The following COL25A1 variants were observed in gnomAD, a reference collection of about 807,000 sequenced individuals.
COL25A1 encodes the protein collagen alpha-1(XXV) chain.
In COL25A1, 103 loss-of-function variants were observed where a neutral mutation model predicts 128.4. The ratio of observed to expected loss-of-function variants is 0.80; its 90% CI spans 0.68 to 0.94. COL25A1 has a LOEUF of 0.94. Ranked by LOEUF, COL25A1 falls within the 40% of genes least tolerant of loss-of-function variation. The pLI is 0.00. For missense variants in COL25A1, 745 were observed against 840.0 expected (o/e 0.89, Z 1.40); for synonymous variants, 279 against 277.2 (o/e 1.01, Z -0.06).
intron 3 of COL25A1, among the ~76,000 whole-genome samples, chr4:109,168,375 G>A (rs369566390): frequency 6.6e-6 from 1 of 152,054 alleles, no homozygotes; most frequent in Non-Finnish European, 1.5e-5. Flanking sequence ...AACAGAGTTG[G>A]GGTATTAGCT....
At chr4:109,144,780 A>G (rs2126091695) in intron 3 of COL25A1, among the ~76,000 whole-genome samples, 1 of 152,300 alleles carries the variant, frequency 6.6e-6, no homozygotes, top group African/African-American at 2.4e-5. Context: ...AAACAAGGCA[A>G]GATTAGTACC....
chr4:108,900,897 T>C (rs1301158491), intron 14 of COL25A1, among the ~76,000 whole-genome samples: 1 of 152,172 alleles, frequency 6.6e-6, no homozygotes, highest in East Asian at 1.9e-4. Context: ...AGATGTTAGA[T>C]GATCACATCC....
intron 3 of COL25A1, among the ~76,000 whole-genome samples, chr4:109,210,912 A>T (rs1194763885): frequency 6.6e-6 from 1 of 152,078 alleles, no homozygotes; most frequent in Non-Finnish European, 1.5e-5. Context: ...AAGCGAGTTA[A>T]CACAGGAACA....
intron 5 of COL25A1, among the ~76,000 whole-genome samples, chr4:109,013,609 G>A (rs182287972): frequency 1.6e-4 from 25 of 151,786 alleles, no homozygotes; most frequent in Admixed American, 7.2e-4. Context: ...CACTCCTGAG[G>A]CCAGCGAGAC....
intron 24 of COL25A1, among the ~76,000 whole-genome samples, chr4:108,853,878 G>A (rs1357480813): frequency 2.0e-5 from 3 of 152,168 alleles, no homozygotes; most frequent in African/African-American, 7.2e-5. Context: ...AGTATTCCGT[G>A]GTGTATATGT....
At position 108,852,255 on chromosome 4, in the gene COL25A1, TGAGGTCCAG is replaced by T. The variant is rs1735874607; in HGVS notation, c.1361_1369del (p.Pro454_Pro456del). On this transcript the variant is annotated inframe_deletion, in exon 26 of 38. Coordinates refer to ENST00000399132, the MANE Select transcript of COL25A1 (RefSeq NM_198721.4). ...AATAACCTTTGGCCCTTGTAGTCCTTGAGGTCCAGGAGGTCCAGGGGGACCCTAAATCAA... is the reference window on the plus strand; with the variant it reads ...AATAACCTTTGGCCCTTGTAGTCCTTGAGGTCCAGGGGGACCCTAAATCAA... 1 of 1,603,230 alleles carries T rather than the reference TGAGGTCCAG, an allele frequency of 6.2e-7. No individual in the cohort carries two copies. The highest frequency in any genetic ancestry group is 1.4e-5 in the African/African-American group (1 of 74,070).
chr4:108,932,299 T>C (rs979750504), intron 11 of COL25A1, among the ~76,000 whole-genome samples: 1 of 152,238 alleles, frequency 6.6e-6, no homozygotes, highest in Non-Finnish European at 1.5e-5. Context: ...ATTTTCATGC[T>C]TACGTTATTA....
chr4:108,917,345 T>C (rs1315119432), intron 13 of COL25A1, among the ~76,000 whole-genome samples: 1 of 152,196 alleles, frequency 6.6e-6, no homozygotes, highest in Non-Finnish European at 1.5e-5. Context: ...TTTAAAATAC[T>C]CTGGGAAGGC....
At chr4:109,291,873 T>C (rs903554608) in intron 3 of COL25A1, among the ~76,000 whole-genome samples, 1 of 152,148 alleles carries the variant, frequency 6.6e-6, no homozygotes, top group African/African-American at 2.4e-5. Context: ...CCAGCTTTCC[T>C]GTGACACTAT....
At chr4:109,250,102 C>T (rs1222316485) in intron 3 of COL25A1, among the ~76,000 whole-genome samples, 1 of 151,910 alleles carries the variant, frequency 6.6e-6, no homozygotes, top group Non-Finnish European at 1.5e-5. Context: ...GATTCTAGGC[C>T]CCATGCTGGT....
At chr4:109,229,223 G>A (rs1273953549) in intron 3 of COL25A1, among the ~76,000 whole-genome samples, 5 of 152,156 alleles carry the variant, frequency 3.3e-5, no homozygotes, top group South Asian at 4.1e-4. Flanking sequence ...ATTTTGTCAC[G>A]TGACTCCAAC....
At chr4:109,274,851 T>C (rs1722657948) in intron 3 of COL25A1, among the ~76,000 whole-genome samples, 1 of 152,208 alleles carries the variant, frequency 6.6e-6, no homozygotes, top group African/African-American at 2.4e-5. Context: ...TGAATCTTCT[T>C]ATATAACACA....
chr4:108,822,350 TG>T (rs1731880264), intron 35 of COL25A1, among the ~76,000 whole-genome samples: 2 of 152,164 alleles, frequency 1.3e-5, no homozygotes, highest in Non-Finnish European at 2.9e-5. Context: ...GGCGGTAATA[TG>T]TTTTTGAGTG....
intron 3 of COL25A1, among the ~76,000 whole-genome samples, chr4:109,228,539 T>C (rs904754365): frequency 1.3e-5 from 2 of 152,188 alleles, no homozygotes; most frequent in East Asian, 1.9e-4. Flanking sequence ...TTCAGAGTTT[T>C]AGATGTTACG....
chr4:109,010,339 T>C lies in COL25A1; in HGVS notation c.438+19A>G. 1.0e-5 allele frequency: 16 copies of C among 1,565,716 alleles called. No individual in the cohort carries two copies. Among genetic ancestry groups the C allele is most frequent in the Non-Finnish European group, 1.2e-5 (14 of 1,158,012 alleles). On this transcript the variant is annotated intron_variant, in intron 6 of 37. Coordinates refer to ENST00000399132, the MANE Select transcript of COL25A1 (RefSeq NM_198721.4). ...AAATCCTAAATTGAAAATAATTTGC[T>C]AGAAAAGAATTACCTTACCTGAGGA...
intron 3 of COL25A1, among the ~76,000 whole-genome samples, chr4:109,220,941 T>C (rs1243118641): frequency 3.3e-5 from 5 of 152,102 alleles, no homozygotes; most frequent in Non-Finnish European, 5.9e-5. Flanking sequence ...GAAAATTTTA[T>C]GGGTGAAATG....
intron 25 of COL25A1, 96 bp downstream of exon 25, chr4:108,852,806 G>A (rs1735949908): frequency 1.1e-6 from 1 of 910,946 alleles, no homozygotes; most frequent in East Asian, 2.5e-5. Flanking sequence ...TTAAGTATCA[G>A]ATAAAAACAA....
chr4:108,894,622 C>T (rs1741919583), intron 16 of COL25A1, among the ~76,000 whole-genome samples: 1 of 152,124 alleles, frequency 6.6e-6, no homozygotes, highest in Non-Finnish European at 1.5e-5. Context: ...CATGCCATAA[C>T]AACAGAGTTG....
At chr4:109,068,214 C>T (rs1762622294) in intron 3 of COL25A1, among the ~76,000 whole-genome samples, 1 of 152,042 alleles carries the variant, frequency 6.6e-6, no homozygotes, top group African/African-American at 2.4e-5. Flanking sequence ...TCAAAGTCTT[C>T]CTAATGACAT....
Sources: allele counts gnomAD v4.1 joint callset (sites outside exome capture counted in the v4.1 genomes callset), GRCh38; gene constraint gnomAD v4.1.1; transcripts MANE v1.5; gene names NCBI Gene and HGNC (gene_info 2026-07-23, HGNC 2026-07-21).